PACRG: variants seen among roughly 807,000 people sequenced by gnomAD.
PACRG encodes the protein parkin coregulated gene protein.
A neutral mutation model predicts 29.7 loss-of-function variants in PACRG; 29 were observed. That is an observed-to-expected ratio of 0.98 (90% CI 0.73 to 1.33). The LOEUF is 1.33. Ranked by LOEUF, PACRG falls within the 40% of genes most tolerant of loss-of-function variation. The pLI, the probability that PACRG is intolerant of heterozygous loss-of-function variation, is 0.00. For synonymous variants in PACRG, 116 were observed against 118.7 expected, an observed-to-expected ratio of 0.98 and a Z score of 0.15; for missense variants, 279 against 316.2, an observed-to-expected ratio of 0.88 and a Z score of 0.89.
At chr6:163,095,213 C>T in intron 4 of PACRG, 5 of 969,166 alleles carry the variant, frequency 5.2e-6, no homozygotes, top group Non-Finnish European at 6.1e-6. Flanking sequence ...AATGCCTTTC[C>T]TCTTCACTGA....
intron 3 of PACRG, among the ~76,000 whole-genome samples, chr6:163,081,198 C>G (rs527460231): frequency 6.6e-6 from 1 of 152,212 alleles, no homozygotes; most frequent in South Asian, 2.1e-4. Flanking sequence ...CCATTGTAAT[C>G]TAATTCAACT....
At chr6:162,827,331 C>G (rs1199896257) in intron 2 of PACRG, among the ~76,000 whole-genome samples, 2 of 152,092 alleles carry the variant, frequency 1.3e-5, no homozygotes, top group Non-Finnish European at 2.9e-5. Context: ...GGACTAGCTT[C>G]AAATCTCAAG....
At chr6:162,979,417 A>G (rs995182378) in intron 2 of PACRG, among the ~76,000 whole-genome samples, 2 of 152,114 alleles carry the variant, frequency 1.3e-5, no homozygotes, top group African/African-American at 4.8e-5. Flanking sequence ...TATTCTGGAT[A>G]TTAACTCCTT....
At chr6:162,756,365 G>C (rs1452758991) in intron 1 of PACRG, among the ~76,000 whole-genome samples, 5 of 152,080 alleles carry the variant, frequency 3.3e-5, no homozygotes, top group Admixed American at 3.3e-4. Flanking sequence ...GGTCTTCATG[G>C]TGAACTAACC....
At chr6:162,880,623 G>C (rs1793753067) in intron 2 of PACRG, among the ~76,000 whole-genome samples, 1 of 152,082 alleles carries the variant, frequency 6.6e-6, no homozygotes, top group African/African-American at 2.4e-5. Flanking sequence ...TATATAGTAA[G>C]ATCAGCCATG....
At chr6:162,744,123 T>C (rs1055765883) in intron 1 of PACRG, among the ~76,000 whole-genome samples, 1 of 152,198 alleles carries the variant, frequency 6.6e-6, no homozygotes, top group African/African-American at 2.4e-5. Flanking sequence ...TGATGGTTAT[T>C]TAGTTTCTAC....
intron 4 of PACRG, among the ~76,000 whole-genome samples, chr6:163,231,910 C>T (rs866031483): frequency 2.8e-4 from 42 of 152,328 alleles, no homozygotes; most frequent in South Asian, 2.1e-3. Flanking sequence ...AAACAAGTCC[C>T]GGCTTCACTC....
chr6:163,218,191 T>C (rs1378717529), intron 4 of PACRG, among the ~76,000 whole-genome samples: 2 of 152,166 alleles, frequency 1.3e-5, no homozygotes, highest in Non-Finnish European at 2.9e-5. Context: ...ACTGAAAACT[T>C]TTATCAACTT....
At chr6:162,940,595 G>C (rs1007155294) in intron 2 of PACRG, among the ~76,000 whole-genome samples, 1 of 152,100 alleles carries the variant, frequency 6.6e-6, no homozygotes, top group Admixed American at 6.6e-5. Flanking sequence ...CAGCAGAAAG[G>C]GATTTGTTTT....
intron 4 of PACRG, among the ~76,000 whole-genome samples, chr6:163,260,828 C>T (rs1390720953): frequency 1.3e-5 from 2 of 152,236 alleles, no homozygotes; most frequent in Non-Finnish European, 2.9e-5. Context: ...CTGCTTAACC[C>T]TTCCATGCTC....
At chr6:163,029,289 G>A (rs1443289657) in intron 2 of PACRG, among the ~76,000 whole-genome samples, 1 of 152,194 alleles carries the variant, frequency 6.6e-6, no homozygotes, top group Non-Finnish European at 1.5e-5. Flanking sequence ...TCTCAGACTT[G>A]TGACTTCAGA....
chr6:163,060,227 T>A (rs893070463), intron 2 of PACRG, among the ~76,000 whole-genome samples: 1 of 152,092 alleles, frequency 6.6e-6, no homozygotes. Context: ...AATTTTGTGC[T>A]TACAAGAAAC....
chr6:162,874,235 C>T (rs1793094686), intron 2 of PACRG, among the ~76,000 whole-genome samples: 1 of 151,276 alleles, frequency 6.6e-6, no homozygotes, highest in Admixed American at 6.6e-5. Flanking sequence ...TTACTTCCTC[C>T]CCTCCAAATT....
chr6:163,269,191 G>C (rs1249907588), intron 4 of PACRG, among the ~76,000 whole-genome samples: 5 of 152,188 alleles, frequency 3.3e-5, no homozygotes, highest in Non-Finnish European at 7.3e-5. Context: ...CTCCTGGCTG[G>C]AAGGACTCAC....
intron 4 of PACRG, chr6:163,182,766 G>T (rs1779732756): frequency 6.6e-6 from 1 of 152,176 alleles, no homozygotes; most frequent in South Asian, 2.1e-4. Context: ...CAAGGAAATG[G>T]AAACTCATAG....
At chr6:163,222,220 GA>G (rs1476988594) in intron 4 of PACRG, among the ~76,000 whole-genome samples, 1 of 152,184 alleles carries the variant, frequency 6.6e-6, no homozygotes, top group Non-Finnish European at 1.5e-5. Context: ...AAGCAGGTTG[GA>G]ATTCTCAGGG....
intron 2 of PACRG, among the ~76,000 whole-genome samples, chr6:162,901,449 A>G (rs540882659): frequency 6.6e-6 from 1 of 152,294 alleles, no homozygotes; most frequent in East Asian, 1.9e-4. Context: ...GGGTGCAGTG[A>G]CTTTCTCTAA....
intron 4 of PACRG, among the ~76,000 whole-genome samples, chr6:163,192,600 G>A (rs1334246831): frequency 2.0e-5 from 3 of 152,086 alleles, no homozygotes; most frequent in Non-Finnish European, 4.4e-5. Context: ...TTAAACTTTG[G>A]TAAGTGTGTC....
chr6:162,815,289 T>C (rs1351894623), intron 2 of PACRG, among the ~76,000 whole-genome samples: 1 of 151,892 alleles, frequency 6.6e-6, no homozygotes, highest in Admixed American at 6.6e-5. Flanking sequence ...CAAATAAATT[T>C]ATGTTAAAAA....
Sources: gnomAD v4.1 joint callset for allele counts (sites outside exome capture counted in the v4.1 genomes callset) on GRCh38, gnomAD v4.1.1 for gene constraint, MANE v1.5 for transcripts, NCBI Gene and HGNC (gene_info 2026-07-23, HGNC 2026-07-21) for gene names.